Variants in GFRA1 observed in about 807,000 individuals in gnomAD.
GFRA1 encodes GDNF family receptor alpha-1.
Under a neutral mutation model 51.6 loss-of-function variants are expected in GFRA1, and 16 were observed. The observed-to-expected ratio is 0.31, with a 90% confidence interval of 0.21 to 0.47. GFRA1 has a LOEUF of 0.47. Ranked by LOEUF, GFRA1 falls within the 20% of genes least tolerant of loss-of-function variation. GFRA1 has a pLI of 1.00. For synonymous variants in GFRA1, 270 were observed against 241.3 expected, an observed-to-expected ratio of 1.12 and a Z score of -1.10; for missense variants, 530 against 594.3, an observed-to-expected ratio of 0.89 and a Z score of 1.13.
Position 116,108,723 on chromosome 10 carries a change from C to T in GFRA1, c.771-11959G>A, listed in dbSNP as rs1020220740. 5.3e-5 allele frequency among the ~76,000 whole-genome samples: 8 copies of T among 152,174 alleles called. No homozygotes were observed. In the East Asian group the frequency reaches 9.6e-4, roughly 18 times the overall value. On this transcript the variant is annotated intron_variant, in intron 6 of 10. Coordinates refer to ENST00000355422, the MANE Select transcript of GFRA1 (RefSeq NM_005264.8). Reference sequence around the variant, plus strand: ...CCACCAAGTCCCCTCACTGGCTCTGCGCCCCGAGCAGGGTGCCAGCTTCAG... The same window carrying T: ...CCACCAAGTCCCCTCACTGGCTCTGTGCCCCGAGCAGGGTGCCAGCTTCAG...
chr10:116,162,189 T>C (rs568948915), intron 5 of GFRA1, among the ~76,000 whole-genome samples: 2 of 152,322 alleles, frequency 1.3e-5, no homozygotes, highest in Admixed American at 1.3e-4. Context: ...CAGCAGTAGT[T>C]GGACCTGGAG....
At chr10:116,251,795 C>T (rs1188290315) in intron 4 of GFRA1, among the ~76,000 whole-genome samples, 8 of 151,900 alleles carry the variant, frequency 5.3e-5, no homozygotes, top group Admixed American at 5.3e-4. Context: ...ACGCCACAGT[C>T]ACCTGGATGG....
rs1322969749 is a variant in GFRA1 at position 116,057,517 on chromosome 10, A to G, written c.*6881T>C. 6.6e-6 allele frequency: 1 copy of G among 152,220 alleles called. No homozygotes were observed. Among genetic ancestry groups the G allele is most frequent in the East Asian group, 1.9e-4 (1 of 5,194 alleles). 9.4% of individuals were successfully genotyped at this position (152,220 alleles called of 1,614,324 possible). A position where few individuals can be genotyped will look rare whatever the true frequency, so the allele number is the denominator to read the frequency against. ...CACCATCCAAAAGAGTACAAGAAAAAAACCCCACAGCCTAAATCTCACACA... is the reference window on the plus strand; with the variant it reads ...CACCATCCAAAAGAGTACAAGAAAAGAACCCCACAGCCTAAATCTCACACA... On this transcript the variant is annotated 3_prime_UTR_variant, in exon 11 of 11. Coordinates refer to ENST00000355422, the MANE Select transcript of GFRA1 (RefSeq NM_005264.8).
intron 4 of GFRA1, among the ~76,000 whole-genome samples, chr10:116,244,610 C>T (rs1967716467): frequency 6.6e-6 from 1 of 151,186 alleles, no homozygotes; most frequent in Non-Finnish European, 1.5e-5. Flanking sequence ...TTCAACAAAA[C>T]ATAGAAGGAG....
chr10:116,166,901 G>A (rs1960504831), intron 5 of GFRA1, among the ~76,000 whole-genome samples: 2 of 136,650 alleles, frequency 1.5e-5, no homozygotes, highest in Admixed American at 8.4e-5. Flanking sequence ...CCGGGTTCAC[G>A]CCATTCTCCT....
chr10:116,196,697 TAA>T (rs1963873925), intron 5 of GFRA1, among the ~76,000 whole-genome samples: 2 of 49,546 alleles, frequency 4.0e-5, no homozygotes, highest in African/African-American at 9.8e-5. Flanking sequence ...GTACTATATA[TAA>T]TATATATTAT....
chr10:116,135,149 C>T (rs1958269216), intron 5 of GFRA1, among the ~76,000 whole-genome samples: 1 of 152,142 alleles, frequency 6.6e-6, no homozygotes, highest in South Asian at 2.1e-4. Context: ...CCTCATTGTA[C>T]ATCAGATGGA....
At chr10:116,221,039 AT>A (rs1282455571) in intron 4 of GFRA1, among the ~76,000 whole-genome samples, 7 of 152,184 alleles carry the variant, frequency 4.6e-5, no homozygotes, top group Non-Finnish European at 8.8e-5. Context: ...AGGGCAGAAT[AT>A]TAGAGCATAA....
chr10:116,195,973 T>C (rs538374986), intron 5 of GFRA1, among the ~76,000 whole-genome samples: 56 of 152,278 alleles, frequency 3.7e-4, no homozygotes, highest in Non-Finnish European at 7.6e-4. Context: ...CAAATATTTA[T>C]TGAACACTCA....
At chr10:116,111,148 G>C (rs575943038) in intron 6 of GFRA1, among the ~76,000 whole-genome samples, 6 of 152,294 alleles carry the variant, frequency 3.9e-5, no homozygotes, top group African/African-American at 1.4e-4. Context: ...GCCAAAGACT[G>C]CTCCAAAGGC....
intron 9 of GFRA1, among the ~76,000 whole-genome samples, chr10:116,085,329 A>G (rs1353526728): frequency 2.6e-5 from 4 of 152,162 alleles, no homozygotes; most frequent in African/African-American, 9.7e-5. Flanking sequence ...GAGTTTTCTC[A>G]TATTATTGTA....
intron 5 of GFRA1, among the ~76,000 whole-genome samples, chr10:116,142,646 C>T (rs1173106735): frequency 6.6e-6 from 1 of 152,138 alleles, no homozygotes; most frequent in Non-Finnish European, 1.5e-5. Flanking sequence ...TTGCTTTGTG[C>T]CCTTTGATAT....
At chr10:116,090,668 C>T (rs1803110311) in intron 8 of GFRA1, among the ~76,000 whole-genome samples, 1 of 151,938 alleles carries the variant, frequency 6.6e-6, no homozygotes, top group Admixed American at 6.6e-5. Flanking sequence ...TTGTTCCCCT[C>T]CCCAAAATGA....
rs563842546 is a variant in GFRA1 at position 116,099,014 on chromosome 10, A to G, written c.771-2250T>C. ...AGAGTTTTGATGTAAGGGTGAGCACATGAGGCACTGTTAAAACACTAACAT... is the reference window on the plus strand; with the variant it reads ...AGAGTTTTGATGTAAGGGTGAGCACGTGAGGCACTGTTAAAACACTAACAT... On this transcript the variant is annotated intron_variant, in intron 6 of 10. Transcript: ENST00000355422. 5.8e-4 allele frequency among the ~76,000 whole-genome samples: 89 copies of G among 152,362 alleles called. No individual in the cohort carries two copies. The South Asian group carries it at 0.014, about 24-fold the overall frequency.
chr10:116,178,814 C>T (rs559313176), intron 5 of GFRA1, among the ~76,000 whole-genome samples: 1 of 152,316 alleles, frequency 6.6e-6, no homozygotes, highest in South Asian at 2.1e-4. Context: ...GGCCTTCTCT[C>T]TCATTCTCTT....
intron 6 of GFRA1, 37 bp from the exon 7 acceptor site, chr10:116,096,801 GCTTTAAAACAT>G: frequency 8.7e-7 from 1 of 1,145,500 alleles, no homozygotes; most frequent in Non-Finnish European, 1.3e-6. Context: ...GTGGAAATGT[GCTTTAAAACAT>G]CCTAAGCCTC....
At chr10:116,221,398 AC>A (rs1457748627) in intron 4 of GFRA1, among the ~76,000 whole-genome samples, 1 of 152,122 alleles carries the variant, frequency 6.6e-6, no homozygotes, top group East Asian at 1.9e-4. Context: ...CTTCTAAGAC[AC>A]CCCAGAGAGA....
chr10:116,221,601 T>C (rs928272681), intron 4 of GFRA1, among the ~76,000 whole-genome samples: 4 of 152,160 alleles, frequency 2.6e-5, no homozygotes, highest in African/African-American at 9.7e-5. Context: ...ATTTTTGTGA[T>C]TTTAGCAGAG....
intron 9 of GFRA1, among the ~76,000 whole-genome samples, chr10:116,088,389 T>C (rs758849191): frequency 1.3e-5 from 2 of 152,080 alleles, no homozygotes; most frequent in Non-Finnish European, 2.9e-5. Flanking sequence ...TTCTCCAGCA[T>C]AGCGGGAGGC....
Sources: gnomAD v4.1 joint callset for allele counts (sites outside exome capture counted in the v4.1 genomes callset) on GRCh38, gnomAD v4.1.1 for gene constraint, MANE v1.5 for transcripts, NCBI Gene and HGNC (gene_info 2026-07-23, HGNC 2026-07-21) for gene names.